Variants in MROH1 observed in about 807,000 individuals in gnomAD.
The protein encoded by MROH1 is maestro heat like repeat family member 1, also known as maestro heat-like repeat-containing protein family member 1.
Under a neutral mutation model 116.5 loss-of-function variants are expected in MROH1, and 117 were observed. That is an observed-to-expected ratio of 1.00 (90% CI 0.86 to 1.17). MROH1 has a LOEUF of 1.17. Ranked by LOEUF, MROH1 falls within the 50% of genes most tolerant of loss-of-function variation. The probability of loss-of-function intolerance (pLI) is 0.00; values close to 1 mark genes in which losing one functional copy is unlikely to be tolerated. For synonymous variants in MROH1, 921 were observed against 583.9 expected, an observed-to-expected ratio of 1.58 and a Z score of -8.32; for missense variants, 1,873 against 1,338.5, an observed-to-expected ratio of 1.40 and a Z score of -6.23.
At chr8:144,255,819 A>G (rs1588526795) in intron 35 of MROH1, 114 bp downstream of exon 35, 1 of 645,758 alleles carries the variant, frequency 1.5e-6, no homozygotes, top group Non-Finnish European at 2.8e-6. Flanking sequence ...TGTGGGAGTG[A>G]CTTTGCTTCC....
intron 4 of MROH1, chr8:144,175,619 GATTATGAAAGTCAGAAACA>G (rs67898850): frequency 0.95 from 838,044 of 886,518 alleles, 400,247 homozygotes; most frequent in East Asian, 1. Context: ...AGAGTGTCTA[GATTATGAAAGTCAGAAACA>G]ATAGGCTGGG....
At chr8:144,241,255 G>A (rs916073402) in intron 21 of MROH1, 140 bp from the exon 22 acceptor site, 3 of 690,264 alleles carry the variant, frequency 4.3e-6, no homozygotes, top group Non-Finnish European at 5.4e-6. Context: ...ATGCAGAGAG[G>A]GTGTGTGCAT....
At chr8:144,201,173 C>G (rs1831047066) in intron 12 of MROH1, 1 of 152,052 alleles carries the variant, frequency 6.6e-6, no homozygotes, top group Non-Finnish European at 1.5e-5. Flanking sequence ...TCTCCAGCCT[C>G]AGCCTCCCGA....
At chr8:144,154,036 G>A (rs966304177) in intron 1 of MROH1, among the ~76,000 whole-genome samples, 2 of 151,728 alleles carry the variant, frequency 1.3e-5, no homozygotes, top group South Asian at 2.1e-4. Flanking sequence ...CTGGGACTAC[G>A]GGCGTGAGCC....
intron 3 of MROH1, among the ~76,000 whole-genome samples, chr8:144,167,345 G>A (rs1363708770): frequency 2.1e-5 from 3 of 140,670 alleles, no homozygotes; most frequent in East Asian, 2.1e-4. Context: ...TGGAGTGGCC[G>A]GTTGTGGGGT....
At chr8:144,217,893 C>T (rs571513261) in intron 12 of MROH1, among the ~76,000 whole-genome samples, 5 of 149,746 alleles carry the variant, frequency 3.3e-5, no homozygotes, top group Non-Finnish European at 5.9e-5. Flanking sequence ...CAGTATCCCT[C>T]GGGTGGCTGC....
chr8:144,240,324 C>G (rs1380286411), intron 19 of MROH1, among the ~76,000 whole-genome samples, 171 bp downstream of exon 19: 1 of 152,180 alleles, frequency 6.6e-6, no homozygotes, highest in Non-Finnish European at 1.5e-5. Flanking sequence ...GCAGCGGGGG[C>G]CTTGCTGTGA....
intron 12 of MROH1, among the ~76,000 whole-genome samples, chr8:144,208,095 G>A (rs968033001): frequency 3.3e-5 from 5 of 152,018 alleles, no homozygotes; most frequent in African/African-American, 7.2e-5. Context: ...ACAGGCACAT[G>A]CCATCACACC....
intron 39 of MROH1, 78 bp downstream of exon 39, chr8:144,260,452 C>T (rs999428966): frequency 5.0e-5 from 35 of 698,612 alleles, no homozygotes; most frequent in Admixed American, 2.8e-4. Context: ...GCCCCAGCCC[C>T]ACCCTCCTCC....
intron 4 of MROH1, among the ~76,000 whole-genome samples, chr8:144,178,941 C>T (rs1323314993): frequency 2.0e-5 from 3 of 151,940 alleles, no homozygotes; most frequent in East Asian, 1.9e-4. Context: ...TTGGACTCTG[C>T]GGAGGGTTAA....
rs571945706 is a variant in MROH1, at chr8:144,162,238, C to T, written c.-57+1149C>T. On this transcript the variant is annotated intron_variant, in intron 2 of 43. Transcript: ENST00000326134. ...TAGCTGGGATTACAGGCACGCGCCA[C>T]CACACCCAGCTAATTTCTGTATTTT... is the stretch of plus-strand genomic sequence containing the variant. Among the ~76,000 whole-genome samples the T allele has an allele frequency of 1.9e-3, 281 of 151,750 alleles. 2 individuals carry two copies. Among genetic ancestry groups the T allele is most frequent in the Non-Finnish European group, 3.3e-3 (226 of 67,940 alleles).
At position 144,248,997 on chromosome 8, in the gene MROH1, C is replaced by A; in HGVS notation, c.3241C>A (p.Leu1081Met). 1 of 721,632 alleles carries A rather than the reference C, an allele frequency of 1.4e-6. No individual in the cohort carries two copies. Among genetic ancestry groups the A allele is most frequent in the Non-Finnish European group, 2.6e-6 (1 of 387,058 alleles). The allele number at this position is 721,632 out of a possible 1,614,324, so 44.7% of individuals were successfully genotyped here. A position where few individuals can be genotyped will look rare whatever the true frequency, so the allele number is the denominator to read the frequency against. ...AGCTACCGTCATGATCAACTGCCTG[C>A]TGCAGGAGCGGGGCGGTGTGCTCCA... The part of the protein sequence containing the change: ...RAATVMINCL[L>M]QERGGVLQEK... The change falls in exon 32 of 44, where the codon CTG becomes ATG. Residue 1081 changes from leucine (L) to methionine (M), a missense_variant. By Grantham distance (15) the Leu-to-Met change is conservative. Transcript: ENST00000326134.
Position 144,244,588 on chromosome 8 carries a change from C to T in MROH1, c.2766+49C>T. The T allele has an allele frequency of 4.2e-6, 3 of 721,452 alleles. No individual in the cohort carries two copies. In the Admixed American group the frequency reaches 5.9e-5, roughly 14 times the overall value. The allele number at this position is 721,452 out of a possible 1,614,324, so 44.7% of individuals were successfully genotyped here. A position where few individuals can be genotyped will look rare whatever the true frequency, so the allele number is the denominator to read the frequency against. ...GGGATGGGGATGGGGGCACAGAGGG[C>T]ACTCCACCTGGCTGCTGGCCCTCTC... On this transcript the variant is annotated intron_variant, in intron 28 of 43. Coordinates refer to ENST00000326134, the MANE Select transcript of MROH1 (RefSeq NM_032450.3).
intron 12 of MROH1, among the ~76,000 whole-genome samples, chr8:144,216,865 T>C (rs1289551924): frequency 6.6e-6 from 1 of 152,072 alleles, no homozygotes; most frequent in Non-Finnish European, 1.5e-5. Flanking sequence ...AATTTTTGTA[T>C]CTTTAGTAGA....
At chr8:144,181,670 G>A (rs1238544864) in intron 7 of MROH1, among the ~76,000 whole-genome samples, 1 of 152,184 alleles carries the variant, frequency 6.6e-6, no homozygotes, top group Non-Finnish European at 1.5e-5. Context: ...GACAGGATGG[G>A]GGCAGCTGCA....
At chr8:144,177,167 GT>G (rs1824206632) in intron 4 of MROH1, among the ~76,000 whole-genome samples, 1 of 152,224 alleles carries the variant, frequency 6.6e-6, no homozygotes, top group Non-Finnish European at 1.5e-5. Flanking sequence ...AACCATGACA[GT>G]TTGTAACTGG....
chr8:144,188,482 TTTTTTG>T (rs1189351634), intron 7 of MROH1, among the ~76,000 whole-genome samples: 2 of 25,954 alleles, frequency 7.7e-5, no homozygotes, highest in Non-Finnish European at 1.5e-4. Context: ...TTTTTTTTTT[TTTTTTG>T]AGACAATCTC....
chr8:144,186,990 CAGG>C (rs1827356658), intron 7 of MROH1, among the ~76,000 whole-genome samples: 1 of 151,808 alleles, frequency 6.6e-6, no homozygotes, highest in South Asian at 2.1e-4. Flanking sequence ...CCCAGCTACT[CAGG>C]AGGCTGAGGC....
At chr8:144,211,579 A>G (rs1461724708) in intron 12 of MROH1, among the ~76,000 whole-genome samples, 1 of 152,026 alleles carries the variant, frequency 6.6e-6, no homozygotes, top group Non-Finnish European at 1.5e-5. Flanking sequence ...TACAAAAATT[A>G]GCCAGGCATG....
Sources: allele counts gnomAD v4.1 joint callset (sites outside exome capture counted in the v4.1 genomes callset), GRCh38; gene constraint gnomAD v4.1.1; transcripts MANE v1.5; gene names NCBI Gene and HGNC (gene_info 2026-07-23, HGNC 2026-07-21).